Variants in GPHN observed in about 807,000 individuals in gnomAD.
GPHN encodes the protein gephyrin.
Under a neutral mutation model 95.5 loss-of-function variants are expected in GPHN, and 17 were observed. The observed-to-expected ratio is 0.18, with a 90% confidence interval of 0.12 to 0.27. The LOEUF (loss-of-function observed/expected upper bound fraction) is 0.27, where lower values mean the gene tolerates loss of function less well. GPHN is among the 10% of genes least tolerant of loss of function. GPHN has a pLI of 1.00. For synonymous variants in GPHN, 320 were observed against 322.5 expected, an observed-to-expected ratio of 0.99 and a Z score of 0.08; for missense variants, 660 against 978.1, an observed-to-expected ratio of 0.67 and a Z score of 4.34.
intron 4 of GPHN, among the ~76,000 whole-genome samples, chr14:66,835,476 C>A (rs899235024): frequency 6.6e-6 from 1 of 151,798 alleles, no homozygotes; most frequent in Non-Finnish European, 1.5e-5. Flanking sequence ...ATGACAAACC[C>A]ACAGCCAATA....
At chr14:67,215,408 T>TG in the GPHN span, among the ~76,000 whole-genome samples, 5 of 149,690 alleles carry the variant, frequency 3.3e-5, no homozygotes, top group African/African-American at 7.3e-5. Context: ...GATCTATTGT[T>TG]TTTTTTTTTT....
the GPHN span, among the ~76,000 whole-genome samples, chr14:67,421,315 C>T: frequency 6.6e-6 from 1 of 152,134 alleles, no homozygotes; most frequent in African/African-American, 2.4e-5. Context: ...GAAAATGTCC[C>T]TGATCATGAT....
At chr14:67,609,895 G>A in the GPHN span, among the ~76,000 whole-genome samples, 2 of 116,576 alleles carry the variant, frequency 1.7e-5, no homozygotes, top group African/African-American at 1.2e-4. Flanking sequence ...GGGCGAGTCT[G>A]CACAAGGCTC....
At chr14:67,101,565 T>A (rs1294097310) in intron 13 of GPHN, among the ~76,000 whole-genome samples, 1 of 151,478 alleles carries the variant, frequency 6.6e-6, no homozygotes, top group Non-Finnish European at 1.5e-5. Context: ...TAAATAAGTA[T>A]GCTGTTTTAA....
At chr14:67,458,766 G>T in the GPHN span, among the ~76,000 whole-genome samples, 10 of 152,310 alleles carry the variant, frequency 6.6e-5, no homozygotes, top group East Asian at 1.9e-3. Flanking sequence ...CTGTCACCCA[G>T]GCTAGAGTGC....
At chr14:67,713,258 AAACAAAC>A in the GPHN span, among the ~76,000 whole-genome samples, 1 of 147,700 alleles carries the variant, frequency 6.8e-6, no homozygotes, top group East Asian at 2.0e-4. Flanking sequence ...ACAAACAAAC[AAACAAAC>A]AAAAAACAAA....
intron 1 of GPHN, among the ~76,000 whole-genome samples, chr14:66,565,140 T>C (rs1357643785): frequency 2.0e-5 from 3 of 152,058 alleles, no homozygotes; most frequent in Non-Finnish European, 4.4e-5. Context: ...CTAGTTTCAA[T>C]GAGATTTCAC....
At chr14:66,849,194 C>T (rs558524149) in intron 4 of GPHN, among the ~76,000 whole-genome samples, 1 of 151,788 alleles carries the variant, frequency 6.6e-6, no homozygotes, top group Non-Finnish European at 1.5e-5. Context: ...CTCTTAGCCA[C>T]TCTCCTTTTC....
intron 11 of GPHN, chr14:67,059,052 T>C (rs2075721667): frequency 7.2e-6 from 4 of 553,330 alleles, no homozygotes; most frequent in African/African-American, 1.9e-5. Flanking sequence ...GCTGTGTTTC[T>C]GCTGTCCATG....
At chr14:67,615,564 T>C in the GPHN span, 7 of 502,600 alleles carry the variant, frequency 1.4e-5, no homozygotes, top group Non-Finnish European at 2.3e-5. Flanking sequence ...CGGAGGAGCG[T>C]AAGAAGAAAC....
the GPHN span, among the ~76,000 whole-genome samples, chr14:67,297,233 T>G: frequency 6.6e-6 from 1 of 152,242 alleles, no homozygotes; most frequent in Admixed American, 6.5e-5. Flanking sequence ...TTCAACATTT[T>G]TTGGCAGTAC....
At chr14:66,673,447 G>A (rs1052148791) in intron 1 of GPHN, among the ~76,000 whole-genome samples, 3 of 152,080 alleles carry the variant, frequency 2.0e-5, no homozygotes, top group Non-Finnish European at 4.4e-5. Context: ...TCAACTAAAC[G>A]AAGTCCAATA....
chr14:66,531,143 G>A (rs531517530), intron 1 of GPHN, among the ~76,000 whole-genome samples: 283 of 151,876 alleles, frequency 1.9e-3, no homozygotes, highest in Non-Finnish European at 2.2e-3. Flanking sequence ...AAAGGGCTTC[G>A]TCATGTTGGC....
the GPHN span, among the ~76,000 whole-genome samples, chr14:67,285,203 A>G: frequency 1.3e-5 from 2 of 152,202 alleles, no homozygotes; most frequent in African/African-American, 4.8e-5. Flanking sequence ...TGGACTTGAA[A>G]TTTCTGAGGA....
At chr14:66,712,161 G>T (rs1009936709) in intron 2 of GPHN, among the ~76,000 whole-genome samples, 1 of 152,046 alleles carries the variant, frequency 6.6e-6, no homozygotes, top group South Asian at 2.1e-4. Flanking sequence ...TTGAGGAATC[G>T]CCACACTGTC....
rs139066403 is a variant in GPHN at position 66,941,361 on chromosome 14, T to C, written c.828+17069T>C. On this transcript the variant is annotated intron_variant, in intron 8 of 22. Transcript: ENST00000478722. Reference sequence around the variant, plus strand: ...TACAGCAAGAATAACTATTTGTAAATAGGCCTTTTAGACTGGCTTTGATGG... The same window carrying C: ...TACAGCAAGAATAACTATTTGTAAACAGGCCTTTTAGACTGGCTTTGATGG... 1.5e-4 allele frequency among the ~76,000 whole-genome samples: 23 copies of C among 152,278 alleles called. No individual in the cohort carries two copies. The East Asian group carries it at 4.4e-3, about 29-fold the overall frequency.
intron 8 of GPHN, among the ~76,000 whole-genome samples, chr14:66,943,740 A>G (rs537776850): frequency 2.0e-5 from 3 of 152,314 alleles, no homozygotes; most frequent in Non-Finnish European, 4.4e-5. Context: ...GGCATCACAC[A>G]CACAACACAT....
chr14:66,626,698 C>T (rs1198617658), intron 1 of GPHN, among the ~76,000 whole-genome samples: 1 of 151,974 alleles, frequency 6.6e-6, no homozygotes, highest in Non-Finnish European at 1.5e-5. Flanking sequence ...GTATATTTGC[C>T]TTTCTATGAA....
At chr14:66,799,755 A>G (rs1012771808) in intron 3 of GPHN, among the ~76,000 whole-genome samples, 1 of 151,866 alleles carries the variant, frequency 6.6e-6, no homozygotes. Context: ...TTGTTTTTCC[A>G]TCCATTCTGC....
Sources: allele counts gnomAD v4.1 joint callset (sites outside exome capture counted in the v4.1 genomes callset), GRCh38; gene constraint gnomAD v4.1.1; transcripts MANE v1.5; gene names NCBI Gene and HGNC (gene_info 2026-07-23, HGNC 2026-07-21).